Variants in VEPH1 observed in about 807,000 individuals in gnomAD.
The protein encoded by VEPH1 is ventricular zone expressed PH domain containing 1.
In VEPH1, 80 loss-of-function variants were observed where a neutral mutation model predicts 85.2. The observed-to-expected ratio is 0.94, with a 90% confidence interval of 0.78 to 1.13. The LOEUF (loss-of-function observed/expected upper bound fraction) is 1.13. Among genes scored for constraint, VEPH1 ranks in the 50% most tolerant of loss-of-function variants. The pLI is 0.00. For missense variants in VEPH1, 955 were observed against 980.5 expected (o/e 0.97, Z 0.35); for synonymous variants, 297 against 348.0 (o/e 0.85, Z 1.63).
intron 9 of VEPH1, among the ~76,000 whole-genome samples, chr3:157,350,907 T>C (rs899301694): frequency 6.6e-6 from 1 of 152,150 alleles, no homozygotes; most frequent in Non-Finnish European, 1.5e-5. Flanking sequence ...AAGAGTACTC[T>C]TACATGCTGT....
intron 4 of VEPH1, among the ~76,000 whole-genome samples, chr3:157,450,809 C>T (rs974612603): frequency 1.3e-5 from 2 of 152,138 alleles, no homozygotes; most frequent in Non-Finnish European, 2.9e-5. Context: ...AGAAACTCAA[C>T]TAGGTCATTA....
chr3:157,441,653 T>C (rs1429115735), intron 4 of VEPH1, among the ~76,000 whole-genome samples: 1 of 151,220 alleles, frequency 6.6e-6, no homozygotes. Flanking sequence ...AAAAAAAAAA[T>C]ACAATAGTTA....
intron 7 of VEPH1, among the ~76,000 whole-genome samples, chr3:157,371,680 A>C (rs1727501699): frequency 6.6e-6 from 1 of 152,246 alleles, no homozygotes; most frequent in Admixed American, 6.5e-5. Flanking sequence ...ACCAGGGCAG[A>C]GGCCTTTTTC....
intron 12 of VEPH1, among the ~76,000 whole-genome samples, chr3:157,277,203 A>C (rs1715511818): frequency 1.3e-5 from 2 of 152,094 alleles, no homozygotes; most frequent in Middle Eastern, 3.2e-3. Context: ...TAATTGTCTA[A>C]TTGTAAGATT....
At chr3:157,417,599 C>T (rs1427849199) in intron 5 of VEPH1, among the ~76,000 whole-genome samples, 1 of 152,136 alleles carries the variant, frequency 6.6e-6, no homozygotes, top group African/African-American at 2.4e-5. Context: ...TTTTGATGGG[C>T]CTATCTGCAG....
chr3:157,386,159 C>A (rs1306574727), intron 6 of VEPH1, among the ~76,000 whole-genome samples: 2 of 140,918 alleles, frequency 1.4e-5, no homozygotes, highest in Non-Finnish European at 3.0e-5. Flanking sequence ...AGGCTCACTT[C>A]ATTCATTTTC....
intron 10 of VEPH1, among the ~76,000 whole-genome samples, chr3:157,315,197 A>C (rs1720611613): frequency 6.6e-6 from 1 of 152,074 alleles, no homozygotes. Flanking sequence ...TAGTGAATGA[A>C]GATTAATAAA....
At chr3:157,450,149 G>A (rs1159363880) in intron 4 of VEPH1, among the ~76,000 whole-genome samples, 3 of 143,276 alleles carry the variant, frequency 2.1e-5, no homozygotes, top group African/African-American at 7.7e-5. Flanking sequence ...TCAACCTCCT[G>A]GGCTCAAGCT....
intron 2 of VEPH1, chr3:157,493,163 C>CA: frequency 2.3e-6 from 1 of 432,564 alleles, no homozygotes; most frequent in Non-Finnish European, 4.6e-6. Context: ...AATTGAGAAG[C>CA]AGGTAAAAAT....
chr3:157,410,277 T>C (rs1274953123), intron 6 of VEPH1, among the ~76,000 whole-genome samples: 1 of 152,086 alleles, frequency 6.6e-6, no homozygotes, highest in Non-Finnish European at 1.5e-5. Flanking sequence ...CCTTATATGG[T>C]CCCATGTTTC....
At chr3:157,324,951 C>T (rs941315649) in intron 9 of VEPH1, among the ~76,000 whole-genome samples, 1 of 152,204 alleles carries the variant, frequency 6.6e-6, no homozygotes, top group Non-Finnish European at 1.5e-5. Flanking sequence ...TACACTCCCA[C>T]CAACAGTGTA....
intron 6 of VEPH1, among the ~76,000 whole-genome samples, chr3:157,393,897 G>A (rs763592844): frequency 6.6e-6 from 1 of 152,096 alleles, no homozygotes; most frequent in Admixed American, 6.6e-5. Flanking sequence ...TTTGTTGTTT[G>A]TTCAGAGCTT....
At chr3:157,383,123 C>T (rs1030957060) in intron 6 of VEPH1, among the ~76,000 whole-genome samples, 1 of 152,128 alleles carries the variant, frequency 6.6e-6, no homozygotes, top group Admixed American at 6.5e-5. Context: ...GCCACCGTGT[C>T]CAGCCAAAAA....
chr3:157,276,542 T>C (rs1715420488), intron 12 of VEPH1, among the ~76,000 whole-genome samples: 1 of 152,182 alleles, frequency 6.6e-6, no homozygotes, highest in Non-Finnish European at 1.5e-5. Context: ...TTATATGATA[T>C]ACGAAAGAGT....
intron 4 of VEPH1, chr3:157,437,820 G>A (rs1033986163): frequency 3.4e-6 from 5 of 1,464,604 alleles, no homozygotes; most frequent in Non-Finnish European, 4.5e-6. Context: ...AGGAGGCGGG[G>A]CGCGCCCTGG....
At chr3:157,480,293 T>A (rs1261730373) in intron 2 of VEPH1, among the ~76,000 whole-genome samples, 1 of 152,126 alleles carries the variant, frequency 6.6e-6, no homozygotes, top group African/African-American at 2.4e-5. Flanking sequence ...TTTTTAAAAA[T>A]TTTTTATAAT....
At chr3:157,271,430 C>G (rs116364434) in intron 12 of VEPH1, among the ~76,000 whole-genome samples, 1 of 151,924 alleles carries the variant, frequency 6.6e-6, no homozygotes, top group Non-Finnish European at 1.5e-5. Context: ...GTGGGCAGGG[C>G]GTAGGAAAAG....
chr3:157,496,065 T>C (rs1395064689), intron 1 of VEPH1, among the ~76,000 whole-genome samples: 1 of 152,172 alleles, frequency 6.6e-6, no homozygotes, highest in African/African-American at 2.4e-5. Context: ...ACGTACTCTA[T>C]AATCAAGTAG....
intron 7 of VEPH1, among the ~76,000 whole-genome samples, chr3:157,375,612 T>C (rs1728002981): frequency 1.3e-5 from 2 of 152,178 alleles, no homozygotes; most frequent in Admixed American, 1.3e-4. Flanking sequence ...GAAGACAGAT[T>C]TCCTGGAGTC....
Sources: allele counts gnomAD v4.1 joint callset (sites outside exome capture counted in the v4.1 genomes callset), GRCh38; gene constraint gnomAD v4.1.1; transcripts MANE v1.5; gene names NCBI Gene and HGNC (gene_info 2026-07-23, HGNC 2026-07-21).